The following DCC variants were observed in gnomAD, a reference collection of about 807,000 sequenced individuals.
The protein encoded by DCC is netrin receptor DCC.
DCC carries 58 observed loss-of-function variants against 172.5 expected under a neutral mutation model. The observed-to-expected ratio is 0.34, with a 90% CI of 0.27 to 0.42. The LOEUF (loss-of-function observed/expected upper bound fraction) is 0.42. Among genes scored for constraint, DCC ranks in the 10% least tolerant of loss-of-function variants. The pLI, the probability that DCC is intolerant of heterozygous loss-of-function variation, is 1.00. For synonymous variants in DCC, 709 were observed against 644.5 expected (o/e 1.10, Z -1.52); for missense variants, 1,740 against 1,791.0 (o/e 0.97, Z 0.51).
chr18:52,875,528 A>G (rs2039390338), intron 2 of DCC, among the ~76,000 whole-genome samples: 1 of 152,222 alleles, frequency 6.6e-6, no homozygotes, highest in Non-Finnish European at 1.5e-5. Flanking sequence ...TGGTGGTCTC[A>G]AGTATCATCC....
intron 1 of DCC, among the ~76,000 whole-genome samples, chr18:52,550,709 T>C (rs936445196): frequency 1.3e-5 from 2 of 152,150 alleles, no homozygotes; most frequent in Non-Finnish European, 2.9e-5. Flanking sequence ...AAATCCATGA[T>C]AGGCCACCAA....
At chr18:52,743,740 T>TG (rs1190595402) in intron 1 of DCC, among the ~76,000 whole-genome samples, 5 of 152,346 alleles carry the variant, frequency 3.3e-5, no homozygotes, top group Non-Finnish European at 7.4e-5. Context: ...AGCCTCTGTG[T>TG]GGGCTCACTA....
chr18:52,515,611 A>AAAAAAAAAAAAAAAAAAAAAAAAAAAAC, intron 1 of DCC, among the ~76,000 whole-genome samples: 1 of 137,238 alleles, frequency 7.3e-6, no homozygotes, highest in Non-Finnish European at 1.6e-5. Flanking sequence ...TGTCTCAAAA[A>AAAAAAAAAAAAAAAAAAAAAAAAAAAAC]AAAAAAAAAA....
At chr18:52,498,645 TAATAA>T (rs1210769157) in intron 1 of DCC, among the ~76,000 whole-genome samples, 2 of 151,888 alleles carry the variant, frequency 1.3e-5, no homozygotes, top group Admixed American at 1.3e-4. Flanking sequence ...AAATAACATA[TAATAA>T]AATAAAATAA....
chr18:53,483,153 A>G (rs2045857050), intron 25 of DCC, among the ~76,000 whole-genome samples: 1 of 151,912 alleles, frequency 6.6e-6, no homozygotes, highest in Non-Finnish European at 1.5e-5. Flanking sequence ...TTTGGCTGGT[A>G]TCTGGTTTGA....
chr18:53,416,020 G>A (rs1257430108), intron 20 of DCC, 104 bp from the exon 21 acceptor site: 1 of 815,424 alleles, frequency 1.2e-6, no homozygotes, highest in African/African-American at 1.7e-5. Flanking sequence ...GAGGGCACTA[G>A]CTTTGAAATA....
At chr18:52,999,442 A>G (rs891774836) in intron 5 of DCC, among the ~76,000 whole-genome samples, 1 of 152,018 alleles carries the variant, frequency 6.6e-6, no homozygotes, top group African/African-American at 2.4e-5. Context: ...TCCTGTTTAG[A>G]AGGGGGCTTC....
chr18:52,986,215 A>G (rs2041290430), intron 5 of DCC, among the ~76,000 whole-genome samples: 1 of 152,298 alleles, frequency 6.6e-6, no homozygotes, highest in African/African-American at 2.4e-5. Context: ...TTGGAAGCTT[A>G]CAGAATGAGA....
intron 12 of DCC, among the ~76,000 whole-genome samples, chr18:53,283,743 C>G (rs1265769506): frequency 6.6e-6 from 1 of 152,152 alleles, no homozygotes; most frequent in Non-Finnish European, 1.5e-5. Flanking sequence ...TATTTCAAAT[C>G]TGCAATTTTC....
chr18:53,527,026 C>T (rs182223319), intron 28 of DCC: 8 of 448,726 alleles, frequency 1.8e-5, no homozygotes, highest in East Asian at 9.2e-5. Context: ...AGCTACAGAA[C>T]GTGTGGTTTT....
At chr18:52,822,771 T>C (rs2038430127) in intron 2 of DCC, among the ~76,000 whole-genome samples, 1 of 152,194 alleles carries the variant, frequency 6.6e-6, no homozygotes, top group Non-Finnish European at 1.5e-5. Context: ...AAGGTTGTGG[T>C]GGAGATACAA....
chr18:53,226,620 A>C (rs1431902910), intron 12 of DCC, among the ~76,000 whole-genome samples: 1 of 152,058 alleles, frequency 6.6e-6, no homozygotes, highest in African/African-American at 2.4e-5. Context: ...TTGTTATTAA[A>C]AGTTTTAAAT....
At chr18:52,764,406 G>A (rs928622320) in intron 2 of DCC, among the ~76,000 whole-genome samples, 5 of 152,212 alleles carry the variant, frequency 3.3e-5, no homozygotes, top group African/African-American at 1.2e-4. Flanking sequence ...GTTGAAATTT[G>A]ATCCACAAGG....
At chr18:53,499,575 G>A in intron 27 of DCC, 65 bp downstream of exon 27, 3 of 1,326,540 alleles carry the variant, frequency 2.3e-6, no homozygotes, top group African/African-American at 1.4e-5. Flanking sequence ...TTAAGTGCAT[G>A]AGGGTGCTTG....
intron 28 of DCC, among the ~76,000 whole-genome samples, chr18:53,528,189 A>T (rs1027770817): frequency 1.6e-4 from 25 of 152,284 alleles, no homozygotes; most frequent in African/African-American, 6.0e-4. Context: ...CATTTGAATG[A>T]AGAACAATAC....
chr18:52,950,439 G>T (rs2040619980), intron 5 of DCC, among the ~76,000 whole-genome samples: 1 of 152,106 alleles, frequency 6.6e-6, no homozygotes, highest in Admixed American at 6.5e-5. Flanking sequence ...TCTGACAATA[G>T]AATATAATTT....
chr18:52,555,416 G>C (rs1272856853), intron 1 of DCC, among the ~76,000 whole-genome samples: 1 of 152,100 alleles, frequency 6.6e-6, no homozygotes, highest in Non-Finnish European at 1.5e-5. Context: ...GGACATTAGA[G>C]TCAGTCGATG....
intron 7 of DCC, among the ~76,000 whole-genome samples, chr18:53,153,865 C>T (rs1309011518): frequency 6.6e-6 from 1 of 152,122 alleles, no homozygotes; most frequent in Non-Finnish European, 1.5e-5. Context: ...ATCAAGAAGC[C>T]AAGGAGCTTC....
chr18:53,454,615 G>A (rs1306036083), intron 23 of DCC, among the ~76,000 whole-genome samples: 4 of 152,140 alleles, frequency 2.6e-5, no homozygotes, highest in Admixed American at 1.3e-4. Flanking sequence ...AAAACCTAAG[G>A]TGTACTTGTT....
Sources: allele counts gnomAD v4.1 joint callset (sites outside exome capture counted in the v4.1 genomes callset), GRCh38; gene constraint gnomAD v4.1.1; transcripts MANE v1.5; gene names NCBI Gene and HGNC (gene_info 2026-07-23, HGNC 2026-07-21).